BRIP1: variants seen among roughly 807,000 people sequenced by gnomAD.
BRIP1 encodes the protein Fanconi anemia group J protein.
In BRIP1, 88 loss-of-function variants were observed where a neutral mutation model predicts 119.7. That is an observed-to-expected ratio of 0.74 (90% CI 0.62 to 0.88). BRIP1 has a LOEUF of 0.88. Among genes scored for constraint, BRIP1 ranks in the 40% least tolerant of loss-of-function variants. The probability of loss-of-function intolerance (pLI) is 0.00; values close to 1 mark genes in which losing one functional copy is unlikely to be tolerated. For synonymous variants in BRIP1, 443 were observed against 496.5 expected, an observed-to-expected ratio of 0.89 and a Z score of 1.43; for missense variants, 1,259 against 1,455.4, an observed-to-expected ratio of 0.87 and a Z score of 2.20.
chr17:61,695,570 T>C lies in BRIP1; in HGVS notation c.2493-2058A>G, dbSNP rs1048765985. On this transcript the variant is annotated intron_variant, in intron 17 of 19. Coordinates refer to ENST00000259008, the MANE Select transcript of BRIP1 (RefSeq NM_032043.3). This position sits in a 1 kb window ranked among gnomAD's most constrained non-coding sequence, Gnocchi z 4.3. ...GTATTGTATTTAACCTCTATATCAA[T>C]ATAGGGGAGTGTTGATATCCTAATG... Among the ~76,000 whole-genome samples, 2 of 152,092 alleles carry C rather than the reference T, an allele frequency of 1.3e-5. No individual in the cohort carries two copies. Among genetic ancestry groups the C allele is most frequent in the Non-Finnish European group, 2.9e-5 (2 of 67,960 alleles).
In BRIP1 at chr17:61,691,930, T is replaced by C. The variant is rs117583034; in HGVS notation, c.2575+1500A>G. Among the ~76,000 whole-genome samples, 26 of 151,940 alleles carry C rather than the reference T, an allele frequency of 1.7e-4. No individual in the cohort carries two copies. The East Asian group carries it at 4.1e-3, about 24-fold the overall frequency. ...AACCATATAAGCCAATGGAACATAA[T>C]AGAGAGCTCAGAAGCAGATCCACAC... On this transcript the variant is annotated intron_variant, in intron 18 of 19. Transcript: ENST00000259008. The surrounding 1 kb of genome is among the most constrained non-coding windows in gnomAD (Gnocchi z 5.0).
At chr17:61,698,020 G>A (rs1312533850) in intron 17 of BRIP1, among the ~76,000 whole-genome samples, 1 of 152,102 alleles carries the variant, frequency 6.6e-6, no homozygotes, top group African/African-American at 2.4e-5. Context: ...TGGCCAGGCT[G>A]GTCTCGAACT....
chr17:61,796,383 T>A lies in BRIP1; in HGVS notation c.1341-2654A>T, dbSNP rs1484369476. On this transcript the variant is annotated intron_variant, in intron 9 of 19. Transcript: ENST00000259008. The surrounding 1 kb of genome is among the most constrained non-coding windows in gnomAD (Gnocchi z 4.8). ...TGTTTTCTGGTAGTAGTTTCATAGTTTGAGGTTGTAGATTTAAGTCTTTAA... is the reference window on the plus strand; with the variant it reads ...TGTTTTCTGGTAGTAGTTTCATAGTATGAGGTTGTAGATTTAAGTCTTTAA... 1.3e-5 allele frequency among the ~76,000 whole-genome samples: 2 copies of A among 152,122 alleles called. No individual in the cohort carries two copies. Among genetic ancestry groups the A allele is most frequent in the Non-Finnish European group, 1.5e-5 (1 of 68,002 alleles).
Position 61,686,478 on chromosome 17 carries a change from T to C in BRIP1, c.2576-313A>G, listed in dbSNP as rs1375552685. Among the ~76,000 whole-genome samples the C allele has an allele frequency of 6.6e-6, 1 of 151,132 alleles. No individual in the cohort carries two copies. The highest frequency in any genetic ancestry group is 2.4e-5 in the African/African-American group (1 of 41,200). On this transcript the variant is annotated intron_variant, in intron 18 of 19. Coordinates refer to ENST00000259008, the MANE Select transcript of BRIP1 (RefSeq NM_032043.3). The surrounding 1 kb of genome is among the most constrained non-coding windows in gnomAD (Gnocchi z 5.4). The stretch of plus-strand genomic sequence containing the variant: ...GGTGAACATGGCAAATTTAATTTCA[T>C]CATAATTCCCCACAAAAATTGCCTT...
intron 4 of BRIP1, among the ~76,000 whole-genome samples, chr17:61,855,601 C>T (rs981683023): frequency 6.7e-6 from 1 of 148,288 alleles, no homozygotes; most frequent in Non-Finnish European, 1.5e-5. Context: ...AAAAAAAGTA[C>T]CATTTAAATA....
intron 10 of BRIP1, among the ~76,000 whole-genome samples, chr17:61,786,287 G>A (rs1219969852): frequency 1.3e-5 from 2 of 151,814 alleles, no homozygotes; most frequent in African/African-American, 2.4e-5. Context: ...TTAACAGAAA[G>A]TCAACAGACA....
intron 8 of BRIP1, 72 bp downstream of exon 8, chr17:61,801,176 CATCTA>C (rs1163248683): frequency 1.5e-6 from 2 of 1,377,516 alleles, no homozygotes; most frequent in Admixed American, 3.5e-5. Context: ...AAAATTAAAA[CATCTA>C]AAAGCTTTTA....
In BRIP1 at chr17:61,739,216, C is replaced by A. The variant is rs1394618810; in HGVS notation, c.2379+3797G>T. The A allele has an allele frequency of 5.2e-6, 1 of 190,960 alleles. No homozygotes were observed. Among genetic ancestry groups the A allele is most frequent in the Non-Finnish European group, 1.1e-5 (1 of 90,934 alleles). 11.8% of individuals were successfully genotyped at this position (190,960 alleles called of 1,614,324 possible). On this transcript the variant is annotated intron_variant, in intron 16 of 19. Transcript: ENST00000259008. The surrounding 1 kb of genome is among the most constrained non-coding windows in gnomAD (Gnocchi z 6.0). ...ACATTAAAAGGAGACAATACCAGTA[C>A]CAACAGCAGTGCCATCAGTAGCACT...
At position 61,848,897 on chromosome 17, in the gene BRIP1, T is replaced by C. The variant is rs1197056614; in HGVS notation, c.507+232A>G. Among the ~76,000 whole-genome samples the C allele has an allele frequency of 6.6e-6, 1 of 152,206 alleles. No individual in the cohort carries two copies. The highest frequency in any genetic ancestry group is 1.5e-5 in the Non-Finnish European group (1 of 68,040). On this transcript the variant is annotated intron_variant, in intron 5 of 19. Coordinates refer to ENST00000259008, the MANE Select transcript of BRIP1 (RefSeq NM_032043.3). The surrounding 1 kb of genome is among the most constrained non-coding windows in gnomAD (Gnocchi z 4.3). ...AAATATTTTACTATCAAATTCCTCA[T>C]ATATAAGAAACACCATGCAGTTTCA... is the stretch of plus-strand genomic sequence containing the variant.
rs747118123 is a variant in BRIP1 at position 61,724,576 on chromosome 17, T to A, written c.2380-8513A>T. 1.3e-5 allele frequency among the ~76,000 whole-genome samples: 2 copies of A among 152,174 alleles called. No individual in the cohort carries two copies. Among genetic ancestry groups the A allele is most frequent in the Non-Finnish European group, 2.9e-5 (2 of 68,012 alleles). On this transcript the variant is annotated intron_variant, in intron 16 of 19. Coordinates refer to ENST00000259008, the MANE Select transcript of BRIP1 (RefSeq NM_032043.3). This position sits in a 1 kb window ranked among gnomAD's most constrained non-coding sequence, Gnocchi z 5.1. Reference sequence around the variant, plus strand: ...TGAGCTAGAACTATAAATGCATCTCTTCATTTTACTGCTGCTTCACATGAA... The same window carrying A: ...TGAGCTAGAACTATAAATGCATCTCATCATTTTACTGCTGCTTCACATGAA...
rs560145875 is a variant in BRIP1 at position 61,844,125 on chromosome 17, C to T, written c.627+2976G>A. 9.9e-5 allele frequency among the ~76,000 whole-genome samples: 15 copies of T among 152,062 alleles called. No homozygotes were observed. Among genetic ancestry groups the T allele is most frequent in the African/African-American group, 1.4e-4 (6 of 41,482 alleles). On this transcript the variant is annotated intron_variant, in intron 6 of 19. Transcript: ENST00000259008. This position sits in a 1 kb window ranked among gnomAD's most constrained non-coding sequence, Gnocchi z 4.7. ...TCTATTCTTTATAAAGACAGGGTCT[C>T]GTTATGTTGCCCAGGTTGGTCTTGA...
In BRIP1 at chr17:61,809,194, C is replaced by T. The variant is rs1470082263; in HGVS notation, c.628-437G>A. On this transcript the variant is annotated intron_variant, in intron 6 of 19. Transcript: ENST00000259008. The surrounding 1 kb of genome is among the most constrained non-coding windows in gnomAD (Gnocchi z 5.2). ...TCAAATATTCCTTAATACACCAATG[C>T]TTTTGAAGCACTTTTAAATATAGTT... Among the ~76,000 whole-genome samples, 2 of 152,246 alleles carry T rather than the reference C, an allele frequency of 1.3e-5. No homozygotes were observed. Among genetic ancestry groups the T allele is most frequent in the East Asian group, 1.9e-4 (1 of 5,184 alleles).
rs1287538931 is a variant in BRIP1 at position 61,765,379 on chromosome 17, TTATATATATATATATA to T, written c.2097+11006_2097+11021del. Among the ~76,000 whole-genome samples, 98 of 37,728 alleles carry T rather than the reference TTATATATATATATATA, an allele frequency of 2.6e-3. 1 individual carries two copies. The highest frequency in any genetic ancestry group is 6.2e-3 in the African/African-American group (56 of 9,078). 24.8% of individuals were successfully genotyped at this position (37,728 alleles called of 152,430 possible). On this transcript the variant is annotated intron_variant, in intron 14 of 19. Coordinates refer to ENST00000259008, the MANE Select transcript of BRIP1 (RefSeq NM_032043.3). ...ATGTGTGTGTGTGTGTGTGTATATA[TTATATATATATATATA>T]TATATATATATATATATATATATAT...
Position 61,815,752 on chromosome 17 carries a change from A to C in BRIP1, c.628-6995T>G, listed in dbSNP as rs2078227055. On this transcript the variant is annotated intron_variant, in intron 6 of 19. Transcript: ENST00000259008. The surrounding 1 kb of genome is among the most constrained non-coding windows in gnomAD (Gnocchi z 4.1). ...ACAGGATTGTTTTCATCTACCACTT[A>C]AGCAAAAAAGCAAAACACTGCCCTT... is the stretch of plus-strand genomic sequence containing the variant. Among the ~76,000 whole-genome samples the C allele has an allele frequency of 6.6e-6, 1 of 152,200 alleles. No homozygotes were observed. Among genetic ancestry groups the C allele is most frequent in the Non-Finnish European group, 1.5e-5 (1 of 68,032 alleles).
chr17:61,832,199 G>C lies in BRIP1; in HGVS notation c.627+14902C>G, dbSNP rs992866875. 6.6e-6 allele frequency among the ~76,000 whole-genome samples: 1 copy of C among 152,156 alleles called. No homozygotes were observed. The highest frequency in any genetic ancestry group is 2.4e-5 in the African/African-American group (1 of 41,436). On this transcript the variant is annotated intron_variant, in intron 6 of 19. Coordinates refer to ENST00000259008, the MANE Select transcript of BRIP1 (RefSeq NM_032043.3). This position sits in a 1 kb window ranked among gnomAD's most constrained non-coding sequence, Gnocchi z 5.5. ...CTATCTTTTGCCAAAAAATAAGGAA[G>C]CGTTCCAAGAATGATTGATATATGT...
chr17:61,755,894 G>A lies in BRIP1; in HGVS notation c.2098-11303C>T, dbSNP rs149849427. Among the ~76,000 whole-genome samples the A allele has an allele frequency of 5.7e-3, 866 of 152,284 alleles. 5 individuals are homozygous for A. Among genetic ancestry groups the A allele is most frequent in the African/African-American group, 0.02 (826 of 41,558 alleles). ...AGTGGTATGTCCTCTGGGTCTATCC[G>A]GATTTTAGTTCGGGCAAAGAGCTAT... On this transcript the variant is annotated intron_variant, in intron 14 of 19. Transcript: ENST00000259008. This position sits in a 1 kb window ranked among gnomAD's most constrained non-coding sequence, Gnocchi z 4.5.
rs1161819740 is a variant in BRIP1, at chr17:61,738,943, A to G, written c.2379+4070T>C. 1 of 153,330 alleles carries G rather than the reference A, an allele frequency of 6.5e-6. No individual in the cohort carries two copies. Among genetic ancestry groups the G allele is most frequent in the South Asian group, 2.1e-4 (1 of 4,840 alleles). 9.5% of individuals were successfully genotyped at this position (153,330 alleles called of 1,614,324 possible). ...TTTCAGGCCTTGTTACTTTGTACGTATAATATTTAGTACAACCTAGTATTA... is the reference window on the plus strand; with the variant it reads ...TTTCAGGCCTTGTTACTTTGTACGTGTAATATTTAGTACAACCTAGTATTA... On this transcript the variant is annotated intron_variant, in intron 16 of 19. Transcript: ENST00000259008. The surrounding 1 kb of genome is among the most constrained non-coding windows in gnomAD (Gnocchi z 4.2).
In BRIP1 at chr17:61,738,150, C is replaced by A. The variant is rs773133372; in HGVS notation, c.2379+4863G>T. ...ACTAGGGCAGAGTAGCTGAGCCCAG[C>A]TAAAATCGAGAGAGCCAACCAACCA... On this transcript the variant is annotated intron_variant, in intron 16 of 19. Transcript: ENST00000259008. The surrounding 1 kb of genome is among the most constrained non-coding windows in gnomAD (Gnocchi z 4.2). Among the ~76,000 whole-genome samples the A allele has an allele frequency of 3.3e-5, 5 of 152,140 alleles. No homozygotes were observed. Among genetic ancestry groups the A allele is most frequent in the Non-Finnish European group, 5.9e-5 (4 of 68,032 alleles).
At chr17:61,741,450 AC>A in intron 16 of BRIP1, among the ~76,000 whole-genome samples, 1 of 152,320 alleles carries the variant, frequency 6.6e-6, no homozygotes, top group Admixed American at 6.5e-5. Context: ...TTTTTAATCG[AC>A]TGTGTCCAGA....
Sources: gnomAD v4.1 joint callset for allele counts (sites outside exome capture counted in the v4.1 genomes callset) on GRCh38, gnomAD v4.1.1 for gene constraint, Gnocchi (gnomAD v3.1) non-coding constraint, MANE v1.5 for transcripts, NCBI Gene and HGNC (gene_info 2026-07-23, HGNC 2026-07-21) for gene names.